Variants in LY6S observed in about 807,000 individuals in gnomAD.
LY6S encodes lymphocyte antigen 6 family member S.
the LY6S span, among the ~76,000 whole-genome samples, chr8:143,073,359 C>CGTCCTCGGGGTTCCTGTTTG: frequency 7.6e-6 from 1 of 132,210 alleles, no homozygotes. Flanking sequence ...AGACAGCCGT[C>CGTCCTCGGGGTTCCTGTTTG]ATCCCCGGGG....
the LY6S span, among the ~76,000 whole-genome samples, chr8:143,067,153 G>A: frequency 6.6e-6 from 1 of 152,182 alleles, no homozygotes; most frequent in Admixed American, 6.5e-5. Context: ...CTTGTTATGT[G>A]AGATACCTGC....
At chr8:143,071,482 C>T in the LY6S span, among the ~76,000 whole-genome samples, 1,316 of 152,208 alleles carry the variant, frequency 8.6e-3, 13 homozygotes, top group African/African-American at 0.029. Context: ...GTGTTAATAA[C>T]CACGTATCAA....
chr8:143,058,490 C>G, the LY6S span, among the ~76,000 whole-genome samples: 1 of 151,478 alleles, frequency 6.6e-6, no homozygotes, highest in African/African-American at 2.4e-5. Context: ...ATATCAGAGA[C>G]TTTTAGTACT....
chr8:143,046,309 G>A, the LY6S span, among the ~76,000 whole-genome samples: 1 of 152,168 alleles, frequency 6.6e-6, no homozygotes, highest in Non-Finnish European at 1.5e-5. Flanking sequence ...CAGGCACGGT[G>A]GCTCACGCCT....
chr8:143,058,142 G>A, the LY6S span, among the ~76,000 whole-genome samples: 1 of 152,298 alleles, frequency 6.6e-6, no homozygotes, highest in South Asian at 2.1e-4. Context: ...GGGGTGTAGG[G>A]TCCAGCCCCA....
chr8:143,071,871 G>T, the LY6S span, among the ~76,000 whole-genome samples: 1 of 152,104 alleles, frequency 6.6e-6, no homozygotes, highest in South Asian at 2.1e-4. Context: ...AGAGCCACAC[G>T]GGAGGGAGTC....
At chr8:143,071,640 A>T in the LY6S span, among the ~76,000 whole-genome samples, 1 of 152,186 alleles carries the variant, frequency 6.6e-6, no homozygotes, top group Non-Finnish European at 1.5e-5. Context: ...TCTATTGATA[A>T]ATAAATAAGT....
the LY6S span, chr8:143,057,625 G>T: frequency 1.7e-6 from 2 of 1,174,964 alleles, no homozygotes; most frequent in Non-Finnish European, 2.6e-6. Context: ...GGTCATCAAT[G>T]CCCACAGTTT....
the LY6S span, among the ~76,000 whole-genome samples, chr8:143,061,658 C>G: frequency 3.3e-5 from 5 of 152,324 alleles, no homozygotes; most frequent in Admixed American, 3.3e-4. Flanking sequence ...AATTCTCCTG[C>G]CTCAGCCTCC....
the LY6S span, among the ~76,000 whole-genome samples, chr8:143,071,941 A>T: frequency 0.2 from 30,530 of 152,078 alleles, 4,135 homozygotes; most frequent in African/African-American, 0.37. Flanking sequence ...ATCCAGCACC[A>T]TCCACCCCAA....
chr8:143,043,209 G>C, the LY6S span: 2 of 1,367,508 alleles, frequency 1.5e-6, no homozygotes, highest in Non-Finnish European at 2.0e-6. Flanking sequence ...CAGGACCACC[G>C]CATTGCAGAG....
At chr8:143,045,234 A>C in the LY6S span, among the ~76,000 whole-genome samples, 2 of 152,148 alleles carry the variant, frequency 1.3e-5, no homozygotes, top group Non-Finnish European at 2.9e-5. The surrounding 1 kb of genome is among the most constrained non-coding windows in gnomAD (Gnocchi z 5.3). Context: ...ACGGGGCAGC[A>C]GGAGTGCGCT....
At chr8:143,064,804 G>A in the LY6S span, among the ~76,000 whole-genome samples, 4 of 152,090 alleles carry the variant, frequency 2.6e-5, no homozygotes, top group Admixed American at 2.0e-4. Context: ...GGGTCCGTGC[G>A]GGGAATTGCT....
chr8:143,050,736 C>T, the LY6S span, among the ~76,000 whole-genome samples: 1 of 152,158 alleles, frequency 6.6e-6, no homozygotes, highest in Non-Finnish European at 1.5e-5. Context: ...TAGAATAGAC[C>T]TCAGGGGTGC....
chr8:143,045,690 C>G, the LY6S span, among the ~76,000 whole-genome samples: 5 of 152,164 alleles, frequency 3.3e-5, no homozygotes, highest in East Asian at 9.6e-4. This position sits in a 1 kb window ranked among gnomAD's most constrained non-coding sequence, Gnocchi z 5.3. Flanking sequence ...GCCACTTGCC[C>G]TGCAGGCTTG....
At chr8:143,069,999 T>C in the LY6S span, among the ~76,000 whole-genome samples, 1 of 152,034 alleles carries the variant, frequency 6.6e-6, no homozygotes, top group East Asian at 1.9e-4. Context: ...ACACCACAAC[T>C]GGGGGCTTAA....
chr8:143,070,923 G>A, the LY6S span, among the ~76,000 whole-genome samples: 1 of 152,228 alleles, frequency 6.6e-6, no homozygotes, highest in Non-Finnish European at 1.5e-5. Flanking sequence ...GGACTGGCTG[G>A]CTTCCCAGAG....
chr8:143,070,437 ATATATATTG>A, the LY6S span, among the ~76,000 whole-genome samples: 36 of 86,132 alleles, frequency 4.2e-4, 1 homozygote, highest in African/African-American at 2.4e-3. Context: ...TATATATTAT[ATATATATTG>A]TATATATATA....
the LY6S span, among the ~76,000 whole-genome samples, chr8:143,067,023 G>C: frequency 1.2e-4 from 19 of 152,142 alleles, no homozygotes; most frequent in South Asian, 6.2e-4. Flanking sequence ...GGATCGTTGG[G>C]GTGGGTCCCT....
Sources: gnomAD v4.1 joint callset for allele counts (sites outside exome capture counted in the v4.1 genomes callset) on GRCh38, gnomAD v4.1.1 for gene constraint, Gnocchi (gnomAD v3.1) non-coding constraint, MANE v1.5 for transcripts, NCBI Gene and HGNC (gene_info 2026-07-23, HGNC 2026-07-21) for gene names.